ABTB3: variants seen among roughly 807,000 people sequenced by gnomAD.
The protein encoded by ABTB3 is ankyrin repeat and BTB domain containing 3, also known as ankyrin repeat- and BTB/POZ domain-containing protein 3.
the ABTB3 span, among the ~76,000 whole-genome samples, chr12:107,419,225 G>A: frequency 6.6e-6 from 1 of 152,240 alleles, no homozygotes; most frequent in African/African-American, 2.4e-5. Context: ...ATGGCTGTGT[G>A]CAGTGGCCTG....
the ABTB3 span, among the ~76,000 whole-genome samples, chr12:107,420,090 C>A: frequency 6.6e-6 from 1 of 152,138 alleles, no homozygotes; most frequent in African/African-American, 2.4e-5. Flanking sequence ...GGCCCTGCAC[C>A]TTTTTTCCCC....
At chr12:107,435,994 G>A in the ABTB3 span, among the ~76,000 whole-genome samples, 2 of 152,334 alleles carry the variant, frequency 1.3e-5, no homozygotes, top group South Asian at 2.1e-4. Flanking sequence ...AGCCATGCCT[G>A]ACTAGTGGGT....
At chr12:107,526,857 T>G in the ABTB3 span, among the ~76,000 whole-genome samples, 6 of 152,282 alleles carry the variant, frequency 3.9e-5, no homozygotes, top group African/African-American at 1.4e-4. Flanking sequence ...TCTTTCCCCT[T>G]GTTTGAAATG....
chr12:107,406,995 C>T, the ABTB3 span, among the ~76,000 whole-genome samples: 1 of 152,100 alleles, frequency 6.6e-6, no homozygotes, highest in Admixed American at 6.6e-5. Flanking sequence ...TGCTTTTGAC[C>T]TTGGGGAAGC....
At chr12:107,396,082 T>C in the ABTB3 span, among the ~76,000 whole-genome samples, 21,161 of 152,240 alleles carry the variant, frequency 0.14, 1,890 homozygotes, top group East Asian at 0.44. Flanking sequence ...GGAAGTCCTT[T>C]GGCCAAGTGC....
chr12:107,643,085 C>T, the ABTB3 span, among the ~76,000 whole-genome samples: 1 of 152,050 alleles, frequency 6.6e-6, no homozygotes, highest in Non-Finnish European at 1.5e-5. Flanking sequence ...TCCCATCTTC[C>T]AGGGTTCATA....
chr12:107,365,425 A>C, the ABTB3 span, among the ~76,000 whole-genome samples: 5 of 152,154 alleles, frequency 3.3e-5, no homozygotes, highest in Non-Finnish European at 7.3e-5. Context: ...TAGACACACA[A>C]AAAAATAGGT....
At chr12:107,323,798 G>T in the ABTB3 span, among the ~76,000 whole-genome samples, 1 of 152,082 alleles carries the variant, frequency 6.6e-6, no homozygotes, top group South Asian at 2.1e-4. Context: ...ATTCATCTCT[G>T]TGTCTCCTTC....
chr12:107,448,704 A>T, the ABTB3 span, among the ~76,000 whole-genome samples: 1 of 151,104 alleles, frequency 6.6e-6, no homozygotes, highest in Non-Finnish European at 1.5e-5. Context: ...GCAGTGGCAC[A>T]ATCTTGGCTC....
the ABTB3 span, among the ~76,000 whole-genome samples, chr12:107,586,397 C>T: frequency 6.6e-6 from 1 of 152,182 alleles, no homozygotes; most frequent in African/African-American, 2.4e-5. Context: ...GCTCCCCAGC[C>T]TCTCACAGAG....
the ABTB3 span, among the ~76,000 whole-genome samples, chr12:107,497,234 CCACCACCACCATCACTATCAT>C: frequency 7.5e-6 from 1 of 133,316 alleles, no homozygotes; most frequent in Non-Finnish European, 1.7e-5. Flanking sequence ...TCTACGCTCA[CCACCACCACCATCACTATCAT>C]CACCACCACC....
At chr12:107,657,724 C>G in the ABTB3 span, 1 of 1,613,852 alleles carries the variant, frequency 6.2e-7, no homozygotes, top group Non-Finnish European at 8.5e-7. Flanking sequence ...TATGAAACGC[C>G]TAGTGCAGGG....
At chr12:107,554,523 T>A in the ABTB3 span, among the ~76,000 whole-genome samples, 1 of 152,310 alleles carries the variant, frequency 6.6e-6, no homozygotes, top group South Asian at 2.1e-4. Context: ...AGCAGTTTTG[T>A]GTTAATATAT....
chr12:107,508,141 T>C, the ABTB3 span, among the ~76,000 whole-genome samples: 355 of 151,806 alleles, frequency 2.3e-3, 7 homozygotes, highest in East Asian at 0.042. Context: ...AATAGATAGA[T>C]GAATGGAAGT....
At chr12:107,367,566 G>A in the ABTB3 span, among the ~76,000 whole-genome samples, 10 of 151,982 alleles carry the variant, frequency 6.6e-5, no homozygotes, top group Admixed American at 1.3e-4. Context: ...GTGCAGTGGC[G>A]CAGTTTCGGC....
the ABTB3 span, among the ~76,000 whole-genome samples, chr12:107,503,740 G>C: frequency 9.5e-6 from 1 of 104,790 alleles, no homozygotes; most frequent in Non-Finnish European, 1.8e-5. Context: ...CTGGGTGATA[G>C]AGCAAGACCC....
chr12:107,393,784 G>T, the ABTB3 span, among the ~76,000 whole-genome samples: 1 of 152,084 alleles, frequency 6.6e-6, no homozygotes, highest in Non-Finnish European at 1.5e-5. Context: ...CAAAAAATTA[G>T]CCAGGGATGG....
At chr12:107,350,473 A>G in the ABTB3 span, among the ~76,000 whole-genome samples, 1 of 152,004 alleles carries the variant, frequency 6.6e-6, no homozygotes, top group Non-Finnish European at 1.5e-5. Context: ...GAATGGCATG[A>G]ACCCAGGAGG....
the ABTB3 span, among the ~76,000 whole-genome samples, chr12:107,474,240 C>A: frequency 6.6e-6 from 1 of 152,102 alleles, no homozygotes; most frequent in South Asian, 2.1e-4. Context: ...TGGAGAGGAG[C>A]CACTGGCCCG....
Sources: gnomAD v4.1 joint callset for allele counts (sites outside exome capture counted in the v4.1 genomes callset) on GRCh38, gnomAD v4.1.1 for gene constraint, MANE v1.5 for transcripts, NCBI Gene and HGNC (gene_info 2026-07-23, HGNC 2026-07-21) for gene names.